MTSS1: variants seen among roughly 807,000 people sequenced by gnomAD.
MTSS1 encodes the protein protein MTSS 1.
A neutral mutation model predicts 79.0 loss-of-function variants in MTSS1; 18 were observed. The observed-to-expected ratio is 0.23, with a 90% confidence interval of 0.16 to 0.34. MTSS1 has a LOEUF of 0.34. Ranked by LOEUF, MTSS1 falls within the 10% of genes least tolerant of loss-of-function variation. The pLI is 1.00. For missense variants in MTSS1, 815 were observed against 986.2 expected, an observed-to-expected ratio of 0.83 and a Z score of 2.33; for synonymous variants, 341 against 368.6, an observed-to-expected ratio of 0.93 and a Z score of 0.86.
intron 3 of MTSS1, among the ~76,000 whole-genome samples, chr8:124,685,486 G>A (rs762308681): frequency 6.6e-5 from 10 of 152,194 alleles, no homozygotes; most frequent in African/African-American, 1.2e-4. Flanking sequence ...AGCTCTCAGC[G>A]GGGATCCTAA....
intron 1 of MTSS1, among the ~76,000 whole-genome samples, chr8:124,723,849 T>G (rs1483775258): frequency 6.6e-6 from 1 of 152,224 alleles, no homozygotes; most frequent in Non-Finnish European, 1.5e-5. Flanking sequence ...CCCACCTCCC[T>G]CAGAGCACCT....
intron 3 of MTSS1, among the ~76,000 whole-genome samples, chr8:124,611,308 C>T (rs181523487): frequency 8.5e-5 from 13 of 152,278 alleles, no homozygotes; most frequent in Admixed American, 2.6e-4. Flanking sequence ...GGGTAAGTGA[C>T]GTACATCACA....
Position 124,680,566 on chromosome 8 carries a change from G to A in MTSS1, c.208+18960C>T, listed in dbSNP as rs148783626. ...CCACAAGGAGGGGCTTCAGGTTCCC[G>A]TCTCTAACATAACATTTCTACAGCA... On this transcript the variant is annotated intron_variant, in intron 3 of 13. Coordinates refer to ENST00000518547, the MANE Select transcript of MTSS1 (RefSeq NM_014751.6). Among the ~76,000 whole-genome samples the A allele has an allele frequency of 3.9e-3, 591 of 152,316 alleles. 7 individuals carry two copies. The highest frequency in any genetic ancestry group is 0.014 in the African/African-American group (571 of 41,566).
intron 3 of MTSS1, among the ~76,000 whole-genome samples, chr8:124,648,716 C>CCCCT (rs371799128): frequency 2.0e-5 from 3 of 151,728 alleles, no homozygotes; most frequent in African/African-American, 7.3e-5. Context: ...GCAGCCCCCC[C>CCCCT]CCAGATACTG....
intron 3 of MTSS1, among the ~76,000 whole-genome samples, chr8:124,627,931 CCG>C: frequency 6.6e-6 from 1 of 152,144 alleles, no homozygotes; most frequent in African/African-American, 2.4e-5. Flanking sequence ...CTTTGGGAGG[CCG>C]AGGTGGGCAG....
At position 124,717,687 on chromosome 8, in the gene MTSS1, C is replaced by T. The variant is rs977114914; in HGVS notation, c.72+10197G>A. 2.8e-4 allele frequency among the ~76,000 whole-genome samples: 43 copies of T among 152,172 alleles called. 1 individual carries two copies. Among genetic ancestry groups the T allele is most frequent in the Non-Finnish European group, 1.5e-4 (10 of 68,032 alleles). ...CTCCGGTCTGGGGGACAGAGCAAGACTCCATCTCAAAAAATATATATATAA... is the reference window on the plus strand; with the variant it reads ...CTCCGGTCTGGGGGACAGAGCAAGATTCCATCTCAAAAAATATATATATAA... On this transcript the variant is annotated intron_variant, in intron 1 of 13. Transcript: ENST00000518547.
At chr8:124,672,881 A>C (rs2134706084) in intron 3 of MTSS1, among the ~76,000 whole-genome samples, 1 of 138,430 alleles carries the variant, frequency 7.2e-6, no homozygotes, top group South Asian at 2.2e-4. Context: ...ACATGCATAC[A>C]CACACACATG....
chr8:124,688,415 G>A lies in MTSS1; in HGVS notation c.208+11111C>T, dbSNP rs373426294. ...TGTGTATATGTGTATGTGTGTGTACGTATGTGTGCATGTAGATGAATTGAA... is the reference window on the plus strand; with the variant it reads ...TGTGTATATGTGTATGTGTGTGTACATATGTGTGCATGTAGATGAATTGAA... On this transcript the variant is annotated intron_variant, in intron 3 of 13. Coordinates refer to ENST00000518547, the MANE Select transcript of MTSS1 (RefSeq NM_014751.6). Among the ~76,000 whole-genome samples, 10 of 152,106 alleles carry A rather than the reference G, an allele frequency of 6.6e-5. No homozygotes were observed. The South Asian group carries it at 8.3e-4, about 13-fold the overall frequency.
rs1834016227 is a variant in MTSS1, at chr8:124,728,235, C to T, written c.-280G>A. The stretch of plus-strand genomic sequence containing the variant: ...CGGGAGAAGACTGACAATCAGGCCA[C>T]CACTGGTGCCCACTACGGAAACGGC... On this transcript the variant is annotated 5_prime_UTR_variant, in exon 1 of 14. In the 5' UTR this introduces an upstream ATG that the reference lacks. Transcript: ENST00000518547. The surrounding 1 kb of genome is among the most constrained non-coding windows in gnomAD (Gnocchi z 6.1). 4 of 302,542 alleles carry T rather than the reference C, an allele frequency of 1.3e-5. No homozygotes were observed. The East Asian group carries it at 2.2e-4, about 17-fold the overall frequency. 18.7% of individuals were successfully genotyped at this position (302,542 alleles called of 1,614,324 possible). A position where few individuals can be genotyped will look rare whatever the true frequency, so the allele number is the denominator to read the frequency against.
chr8:124,602,860 G>A (rs1834168054), intron 3 of MTSS1, among the ~76,000 whole-genome samples: 1 of 152,154 alleles, frequency 6.6e-6, no homozygotes, highest in South Asian at 2.1e-4. Context: ...ATGTTACCTT[G>A]GTCTAATTAT....
chr8:124,582,661 C>T lies in MTSS1; in HGVS notation c.460+2426G>A, dbSNP rs1460048639. On this transcript the variant is annotated intron_variant, in intron 6 of 13. Transcript: ENST00000518547. This position sits in a 1 kb window ranked among gnomAD's most constrained non-coding sequence, Gnocchi z 4.8. ...TATCCAAAACCTTCATCCATCCGAA[C>T]GCGTGGTGCGTCAGAAGGAACTGCT... is the stretch of plus-strand genomic sequence containing the variant. 1.3e-5 allele frequency among the ~76,000 whole-genome samples: 2 copies of T among 152,234 alleles called. No homozygotes were observed. The highest frequency in any genetic ancestry group is 2.1e-4 in the South Asian group (1 of 4,826).
At position 124,601,984 on chromosome 8, in the gene MTSS1, CT is replaced by C. The variant is rs1833903434; in HGVS notation, c.209-10750del. Among the ~76,000 whole-genome samples the C allele has an allele frequency of 2.0e-5, 3 of 151,774 alleles. 1 individual carries two copies. The highest frequency in any genetic ancestry group is 2.0e-4 in the Admixed American group (3 of 15,248). On this transcript the variant is annotated intron_variant, in intron 3 of 13. Coordinates refer to ENST00000518547, the MANE Select transcript of MTSS1 (RefSeq NM_014751.6). ...TGAATTCTAATAAGAGAAGAGGAAG[CT>C]CAATTCTTAGGCCTGGAAAAGTTCA... is the stretch of plus-strand genomic sequence containing the variant.
chr8:124,691,523 TA>T (rs1470890799), intron 3 of MTSS1, among the ~76,000 whole-genome samples: 1 of 152,170 alleles, frequency 6.6e-6, no homozygotes, highest in African/African-American at 2.4e-5. Context: ...AAGAGTTGTT[TA>T]TTTTTTTTTG....
intron 3 of MTSS1, among the ~76,000 whole-genome samples, chr8:124,615,462 C>T (rs1836665267): frequency 6.6e-6 from 1 of 152,102 alleles, no homozygotes; most frequent in Non-Finnish European, 1.5e-5. Context: ...GTGAAATAAG[C>T]CCGCCACAAA....
chr8:124,652,110 G>A (rs16899927), intron 3 of MTSS1, among the ~76,000 whole-genome samples: 15,731 of 152,224 alleles, frequency 0.1, 977 homozygotes, highest in African/African-American at 0.17. Flanking sequence ...AGAATCATAA[G>A]CTGTTTAATA....
Position 124,585,122 on chromosome 8 carries a change from G to A in MTSS1, c.425C>T (p.Ser142Leu), listed in dbSNP as rs771623571. The stretch of plus-strand genomic sequence containing the variant: ...TTTCTTCTGCAGTTTCAGCGTATCC[G>A]AGGACTTCTTTTTTATCTCTTGGCG... ...KARQEIKKKS[S>L]DTLKLQKKAK... is the part of the protein sequence containing the mutation. The change falls in exon 6 of 14, where the codon TCG (serine) becomes TTG (leucine). Residue 142 changes from serine (S) to leucine (L), a missense_variant. This residue lies in a region of MTSS1 where 225 missense variants were observed against 365.4 expected (regional missense o/e 0.62). Transcript: ENST00000518547. 9 of 1,613,650 alleles carry A rather than the reference G, an allele frequency of 5.6e-6. No individual in the cohort carries two copies. Among genetic ancestry groups the A allele is most frequent in the Admixed American group, 1.7e-5 (1 of 59,940 alleles).
chr8:124,636,834 T>G (rs1190831070), intron 3 of MTSS1, among the ~76,000 whole-genome samples: 1 of 152,182 alleles, frequency 6.6e-6, no homozygotes, highest in African/African-American at 2.4e-5. Flanking sequence ...CGATGACCTT[T>G]GATCCTCTGC....
At chr8:124,615,302 G>A (rs1379668237) in intron 3 of MTSS1, among the ~76,000 whole-genome samples, 1 of 152,210 alleles carries the variant, frequency 6.6e-6, no homozygotes, top group African/African-American at 2.4e-5. Flanking sequence ...TTAAAAGTTA[G>A]GGATGTGGCC....
chr8:124,667,218 G>C (rs151089487), intron 3 of MTSS1, among the ~76,000 whole-genome samples: 2,040 of 152,316 alleles, frequency 0.013, 18 homozygotes, highest in Middle Eastern at 0.054. Context: ...CAGGGGACCA[G>C]GCCTGGGGCT....
Sources: gnomAD v4.1 joint callset for allele counts (sites outside exome capture counted in the v4.1 genomes callset) on GRCh38, gnomAD v4.1.1 for gene constraint, gnomAD v4.1.1 regional missense constraint, Gnocchi (gnomAD v3.1) non-coding constraint, MANE v1.5 for transcripts, NCBI Gene and HGNC (gene_info 2026-07-23, HGNC 2026-07-21) for gene names.